The following CPAMD8 variants were observed in gnomAD, a reference collection of about 807,000 sequenced individuals.
The protein encoded by CPAMD8 is C3 and PZP-like alpha-2-macroglobulin domain-containing protein 8.
Under a neutral mutation model 224.7 loss-of-function variants are expected in CPAMD8, and 146 were observed. The observed-to-expected ratio is 0.65, with a 90% CI of 0.57 to 0.75. The LOEUF is 0.75. Among genes scored for constraint, CPAMD8 ranks in the 30% least tolerant of loss-of-function variants. The pLI is 0.00. For missense variants in CPAMD8, 2,301 were observed against 2,537.5 expected (o/e 0.91, Z 2.00); for synonymous variants, 966 against 1,044.6 (o/e 0.92, Z 1.45).
At chr19:16,959,387 C>A (rs2054576750) in intron 18 of CPAMD8, among the ~76,000 whole-genome samples, 1 of 151,064 alleles carries the variant, frequency 6.6e-6, no homozygotes, top group African/African-American at 2.4e-5. Context: ...GTTGACCACG[C>A]TGGTCTCAAA....
In CPAMD8 at chr19:17,023,024, C is replaced by T. The variant is rs542832011; in HGVS notation, c.93-843G>A. On this transcript the variant is annotated intron_variant, in intron 1 of 41. Coordinates refer to ENST00000443236, the MANE Select transcript of CPAMD8 (RefSeq NM_015692.5). ...AGACCAGGATTCTAACTCAGGCGGT[C>T]AGACTCCAAAACCTGATAAAAAGAA... 3.3e-5 allele frequency among the ~76,000 whole-genome samples: 5 copies of T among 152,246 alleles called. No individual in the cohort carries two copies. The East Asian group carries it at 9.7e-4, about 29-fold the overall frequency.
intron 28 of CPAMD8, 53 bp from the exon 29 acceptor site, chr19:16,914,551 C>T (rs1182918069): frequency 1.1e-5 from 18 of 1,608,490 alleles, no homozygotes; most frequent in Admixed American, 1.0e-4. Flanking sequence ...AGTCCACTTC[C>T]CCCCACTTCC....
chr19:16,894,800 G>A (rs2051894530), intron 41 of CPAMD8: 1 of 263,838 alleles, frequency 3.8e-6, no homozygotes, highest in African/African-American at 2.2e-5. Context: ...CCAAAGCTTT[G>A]GGAGACTGAG....
At chr19:16,923,100 G>A (rs546076196) in intron 26 of CPAMD8, among the ~76,000 whole-genome samples, 10 of 152,366 alleles carry the variant, frequency 6.6e-5, no homozygotes, top group Admixed American at 2.6e-4. Flanking sequence ...TGGTGGTGCC[G>A]GGGACAGGGA....
intron 7 of CPAMD8, among the ~76,000 whole-genome samples, chr19:17,007,546 A>G (rs1568594363): frequency 6.6e-6 from 1 of 152,040 alleles, no homozygotes; most frequent in Non-Finnish European, 1.5e-5. Flanking sequence ...GAAGAAGAAA[A>G]GAGGCTGAGA....
At chr19:16,987,811 C>T (rs545820695) in intron 13 of CPAMD8, among the ~76,000 whole-genome samples, 58 of 151,966 alleles carry the variant, frequency 3.8e-4, no homozygotes, top group African/African-American at 1.3e-3. Context: ...CCACCACATC[C>T]GGCTGGGGTT....
At chr19:16,968,738 C>T (rs2122611599) in intron 18 of CPAMD8, among the ~76,000 whole-genome samples, 1 of 152,254 alleles carries the variant, frequency 6.6e-6, no homozygotes, top group African/African-American at 2.4e-5. Context: ...TTCCCAGGCT[C>T]AAGCAATCCT....
intron 29 of CPAMD8, 47 bp downstream of exon 29, chr19:16,914,377 C>T (rs2052851118): frequency 6.6e-7 from 1 of 1,525,002 alleles, no homozygotes; most frequent in Admixed American, 1.7e-5. Context: ...TCCATTTGCT[C>T]CTCCAGTGCC....
chr19:16,999,597 A>G (rs200980264), intron 10 of CPAMD8, among the ~76,000 whole-genome samples: 1 of 88,666 alleles, frequency 1.1e-5, no homozygotes, highest in African/African-American at 6.0e-5. Context: ...AAAAAAAAAA[A>G]AAAGAAAAGA....
Position 17,026,559 on chromosome 19 carries a change from A to G in CPAMD8, c.84T>C (p.Pro28=). 3.3e-6 allele frequency: 5 copies of G among 1,523,460 alleles called. No homozygotes were observed. Among genetic ancestry groups the G allele is most frequent in the Non-Finnish European group, 3.5e-6 (4 of 1,144,484 alleles). 94.4% of individuals were successfully genotyped at this position (1,523,460 alleles called of 1,614,324 possible). A position where few individuals can be genotyped will look rare whatever the true frequency, so the allele number is the denominator to read the frequency against. Residue 28 remains proline (P), a synonymous_variant, in exon 1 of 42, where the codon CCT becomes CCC. Transcript: ENST00000443236. ...SARDGVRAAQ[P]QAPGYLIAAP... ...CGCCGGAGGATACTCACGGGGCCTGAGGCTGCGCGGCGCGCACGCCGTCCC... is the reference window on the plus strand; with the variant it reads ...CGCCGGAGGATACTCACGGGGCCTGGGGCTGCGCGGCGCGCACGCCGTCCC...
At chr19:16,918,463 T>A (rs2313166) in intron 27 of CPAMD8, among the ~76,000 whole-genome samples, 73,946 of 148,850 alleles carry the variant, frequency 0.5, 20,062 homozygotes, top group Non-Finnish European at 0.6. Flanking sequence ...TTTTTTTTTT[T>A]AAGAGATGGA....
chr19:17,017,932 C>T (rs1216967104), intron 3 of CPAMD8, among the ~76,000 whole-genome samples: 1 of 151,628 alleles, frequency 6.6e-6, no homozygotes, highest in Non-Finnish European at 1.5e-5. Flanking sequence ...ACTGGGGAGG[C>T]TGAGGCAGGA....
At chr19:16,996,973 C>T in intron 11 of CPAMD8, 138 bp downstream of exon 11, 1 of 651,616 alleles carries the variant, frequency 1.5e-6, no homozygotes, top group East Asian at 2.7e-5. Flanking sequence ...ACCTGGAACA[C>T]CAGCCCTCTC....
rs182753894 is a variant in CPAMD8 at position 16,988,682 on chromosome 19, C to T, written c.1395+961G>A. The stretch of plus-strand genomic sequence containing the variant: ...CATGCATGCATTCTGCAGAATTCTC[C>T]CCTTGCTGGGGAGATAAGGGATCCC... On this transcript the variant is annotated intron_variant, in intron 13 of 41. Coordinates refer to ENST00000443236, the MANE Select transcript of CPAMD8 (RefSeq NM_015692.5). Among the ~76,000 whole-genome samples, 4 of 152,116 alleles carry T rather than the reference C, an allele frequency of 2.6e-5. No homozygotes were observed. In the East Asian group the frequency reaches 7.7e-4, roughly 29 times the overall value.
chr19:16,975,238 A>G lies in CPAMD8; in HGVS notation c.1929T>C (p.Asp643=), dbSNP rs2122695141. Residue 643 remains aspartate (D), a synonymous_variant, in exon 17 of 42, where the codon GAT becomes GAC. Coordinates refer to ENST00000443236, the MANE Select transcript of CPAMD8 (RefSeq NM_015692.5). The part of the protein sequence containing the change: ...TPAQVFQELE[D]YDVSDSFGVS... ...CGCCAAAGGAATCAGAAACATCATA[A>G]TCTTCCAGTTCCTGGAAAACCTGCA... The G allele has an allele frequency of 6.2e-7, 1 of 1,606,616 alleles. No homozygotes were observed. The highest frequency in any genetic ancestry group is 8.5e-7 in the Non-Finnish European group (1 of 1,176,230).
intron 16 of CPAMD8, among the ~76,000 whole-genome samples, chr19:16,975,718 A>G (rs2055244344): frequency 6.6e-6 from 1 of 152,094 alleles, no homozygotes; most frequent in African/African-American, 2.4e-5. Context: ...TAAAAATAAT[A>G]TAAAATAAGA....
At chr19:17,012,046 G>C (rs2056669369) in intron 3 of CPAMD8, among the ~76,000 whole-genome samples, 1 of 152,012 alleles carries the variant, frequency 6.6e-6, no homozygotes, top group South Asian at 2.1e-4. Context: ...TTGGAGACAA[G>C]GCTTACTCTG....
At chr19:16,992,962 C>T (rs1404459782) in intron 12 of CPAMD8, among the ~76,000 whole-genome samples, 4 of 151,962 alleles carry the variant, frequency 2.6e-5, no homozygotes, top group Admixed American at 6.6e-5. Flanking sequence ...ATCACTCTTT[C>T]GCCTGACACT....
At chr19:16,956,317 G>T (rs536049444) in intron 19 of CPAMD8, among the ~76,000 whole-genome samples, 7 of 152,068 alleles carry the variant, frequency 4.6e-5, no homozygotes, top group Admixed American at 3.3e-4. Flanking sequence ...TTATTCATAT[G>T]GTGGGACTCA....
Sources: allele counts gnomAD v4.1 joint callset (sites outside exome capture counted in the v4.1 genomes callset), GRCh38; gene constraint gnomAD v4.1.1; transcripts MANE v1.5; gene names NCBI Gene and HGNC (gene_info 2026-07-23, HGNC 2026-07-21).